Variants in ANO2 observed in about 807,000 individuals in gnomAD.
ANO2 encodes the protein anoctamin-2.
Under a neutral mutation model 124.2 loss-of-function variants are expected in ANO2, and 101 were observed. The ratio of observed to expected loss-of-function variants is 0.81; its 90% CI spans 0.69 to 0.96. The LOEUF (loss-of-function observed/expected upper bound fraction) is 0.96. Ranked by LOEUF, ANO2 falls within the 40% of genes least tolerant of loss-of-function variation. ANO2 has a pLI of 0.00. For missense variants in ANO2, 1,293 were observed against 1,274.5 expected (o/e 1.01, Z -0.22); for synonymous variants, 486 against 482.5 (o/e 1.01, Z -0.09).
intron 14 of ANO2, among the ~76,000 whole-genome samples, chr12:5,665,371 C>T (rs1365790499): frequency 2.6e-5 from 4 of 152,192 alleles, no homozygotes; most frequent in African/African-American, 7.2e-5. Flanking sequence ...GACTCCACTG[C>T]TGGGTGGCAG....
At chr12:5,687,414 C>T (rs1312403361) in intron 14 of ANO2, among the ~76,000 whole-genome samples, 1 of 152,204 alleles carries the variant, frequency 6.6e-6, no homozygotes, top group Non-Finnish European at 1.5e-5. Flanking sequence ...GAAGACTTCC[C>T]TAAAGGGAGG....
In ANO2 at chr12:5,832,514, T is replaced by C. The variant is rs781481996; in HGVS notation, c.723A>G (p.Pro241=). The C allele has an allele frequency of 5.6e-6, 9 of 1,614,016 alleles. No homozygotes were observed. Among genetic ancestry groups the C allele is most frequent in the South Asian group, 3.3e-5 (3 of 91,078 alleles). Reference sequence around the variant, plus strand: ...TTTTCATCTTGTTGTTGCTGTGTTCTGGAACTCGGGGCTGCAGGTGCGAGC... The same window carrying C: ...TTTTCATCTTGTTGTTGCTGTGTTCCGGAACTCGGGGCTGCAGGTGCGAGC... The part of the protein sequence containing the change: ...KLSSHLQPRV[P]EHSNNKMKNL... Residue 241 remains proline, a synonymous_variant, in exon 5 of 25, where the codon CCA becomes CCG. Coordinates refer to ENST00000682330, the MANE Select transcript of ANO2 (RefSeq NM_001364791.2).
intron 4 of ANO2, among the ~76,000 whole-genome samples, chr12:5,840,293 C>T (rs1289486125): frequency 2.0e-5 from 3 of 152,088 alleles, no homozygotes; most frequent in Non-Finnish European, 2.9e-5. Flanking sequence ...TCACTTGGGC[C>T]TCACTGTTAC....
chr12:5,616,256 T>C (rs896649283), intron 16 of ANO2, among the ~76,000 whole-genome samples: 4 of 152,188 alleles, frequency 2.6e-5, no homozygotes, highest in African/African-American at 9.7e-5. Flanking sequence ...AAGTCTGAGA[T>C]CAAGGTAGAT....
intron 14 of ANO2, among the ~76,000 whole-genome samples, chr12:5,659,780 T>C (rs1947348523): frequency 6.6e-6 from 1 of 152,008 alleles, no homozygotes; most frequent in Admixed American, 6.5e-5. Flanking sequence ...CGCTGCCTCG[T>C]CCTCCCTGGG....
intron 3 of ANO2, among the ~76,000 whole-genome samples, chr12:5,918,886 T>C (rs1390837247): frequency 6.6e-6 from 1 of 152,194 alleles, no homozygotes; most frequent in Non-Finnish European, 1.5e-5. Context: ...CATCTAATGA[T>C]GAGGCATGTT....
chr12:5,928,178 C>G (rs1234733140), intron 1 of ANO2, among the ~76,000 whole-genome samples: 2 of 152,190 alleles, frequency 1.3e-5, no homozygotes, highest in African/African-American at 4.8e-5. Flanking sequence ...GGGAACTGGA[C>G]TTCTGGGCAG....
chr12:5,832,457 C>T lies in ANO2; in HGVS notation c.780G>A (p.Met260Ile). 6.2e-7 allele frequency: 1 copy of T among 1,613,994 alleles called. No individual in the cohort carries two copies. Among genetic ancestry groups the T allele is most frequent in the Non-Finnish European group, 8.5e-7 (1 of 1,179,870 alleles). The change falls in exon 5 of 25, where the codon ATG becomes ATA. Residue 260 changes from methionine to isoleucine, a missense_variant. By Grantham distance (10) the Met-to-Ile change is conservative. Coordinates refer to ENST00000682330, the MANE Select transcript of ANO2 (RefSeq NM_001364791.2). ...NLSYPFSREKMYLYNIQEKDT... is the reference protein window; with the variant it reads ...NLSYPFSREKIYLYNIQEKDT... ...CCAGCAGCTTCAATACTCACAGGTA[C>T]ATCTTCTCCCTGGAGAATGGGTAGG... is the stretch of plus-strand genomic sequence containing the variant.
At chr12:5,727,335 A>C (rs1950478094) in intron 14 of ANO2, among the ~76,000 whole-genome samples, 1 of 151,888 alleles carries the variant, frequency 6.6e-6, no homozygotes, top group African/African-American at 2.4e-5. Context: ...ATGATTATAA[A>C]CTTCCTGAGG....
chr12:5,682,922 G>A (rs549571329), intron 14 of ANO2, among the ~76,000 whole-genome samples: 1 of 152,210 alleles, frequency 6.6e-6, no homozygotes, highest in South Asian at 2.1e-4. Context: ...AGATGATGCT[G>A]AGTTGTTCTT....
chr12:5,632,146 GCTT>G (rs1945750297), intron 16 of ANO2, among the ~76,000 whole-genome samples: 1 of 152,112 alleles, frequency 6.6e-6, no homozygotes, highest in Admixed American at 6.6e-5. Context: ...AGAGCTCAAA[GCTT>G]CTTTCCACTG....
intron 14 of ANO2, among the ~76,000 whole-genome samples, chr12:5,726,155 C>A (rs546110635): frequency 6.6e-6 from 1 of 151,858 alleles, no homozygotes; most frequent in Non-Finnish European, 1.5e-5. Flanking sequence ...AAAAAATCCA[C>A]GCTATTCTTT....
In ANO2 at chr12:5,864,382, C is replaced by T. The variant is rs564833240; in HGVS notation, c.535-10241G>A. ...CCCAAAACTCAGGGAGGCCAGTAGG[C>T]TGGCGCCTGGGCTTCCAGCACACAG... On this transcript the variant is annotated intron_variant, in intron 3 of 24. Transcript: ENST00000682330. Among the ~76,000 whole-genome samples the T allele has an allele frequency of 1.2e-4, 18 of 152,376 alleles. No homozygotes were observed. The East Asian group carries it at 1.7e-3, about 15-fold the overall frequency.
intron 19 of ANO2, among the ~76,000 whole-genome samples, chr12:5,602,794 C>T (rs1944007467): frequency 6.7e-6 from 1 of 149,084 alleles, no homozygotes; most frequent in Non-Finnish European, 1.5e-5. Context: ...AAACATAGAT[C>T]CTCTACAAAT....
intron 19 of ANO2, among the ~76,000 whole-genome samples, chr12:5,602,838 GATCAGCCCTTGA>G: frequency 6.6e-6 from 1 of 152,166 alleles, no homozygotes; most frequent in Non-Finnish European, 1.5e-5. Context: ...CAATTCTCCA[GATCAGCCCTTGA>G]CACTAGAAGA....
At chr12:5,726,661 A>G (rs1950454063) in intron 14 of ANO2, among the ~76,000 whole-genome samples, 1 of 152,248 alleles carries the variant, frequency 6.6e-6, no homozygotes, top group South Asian at 2.1e-4. Flanking sequence ...AGCTTTGCAC[A>G]TTACATACAA....
chr12:5,945,715 G>A (rs1174636314), upstream of ANO2, among the ~76,000 whole-genome samples: 2 of 152,226 alleles, frequency 1.3e-5, no homozygotes, highest in Admixed American at 6.5e-5. Flanking sequence ...GCCCCTGGAC[G>A]GCGGATCTCC....
chr12:5,688,613 A>G (rs1234081283), intron 14 of ANO2, among the ~76,000 whole-genome samples: 1 of 152,178 alleles, frequency 6.6e-6, no homozygotes, highest in Non-Finnish European at 1.5e-5. Context: ...GAAAATCTCA[A>G]TTAGGCATGC....
At chr12:5,633,325 T>C (rs1945828130) in intron 16 of ANO2, among the ~76,000 whole-genome samples, 1 of 152,180 alleles carries the variant, frequency 6.6e-6, no homozygotes, top group Non-Finnish European at 1.5e-5. Context: ...CTGCCTGCCA[T>C]GGAGAGAGAA....
Sources: gnomAD v4.1 joint callset for allele counts (sites outside exome capture counted in the v4.1 genomes callset) on GRCh38, gnomAD v4.1.1 for gene constraint, MANE v1.5 for transcripts, NCBI Gene and HGNC (gene_info 2026-07-23, HGNC 2026-07-21) for gene names.